ASTN2: variants seen among roughly 807,000 people sequenced by gnomAD.
ASTN2 encodes the protein astrotactin-2.
In ASTN2, 54 loss-of-function variants were observed where a neutral mutation model predicts 139.8. The observed-to-expected ratio is 0.39, with a 90% CI of 0.31 to 0.48. The LOEUF is 0.48. ASTN2 is among the 20% of genes least tolerant of loss of function. ASTN2 has a pLI of 0.95. For missense variants in ASTN2, 1,565 were observed against 1,725.1 expected, an observed-to-expected ratio of 0.91 and a Z score of 1.64; for synonymous variants, 756 against 719.5, an observed-to-expected ratio of 1.05 and a Z score of -0.81.
chr9:116,866,325 C>G (rs1001932051), intron 10 of ASTN2, among the ~76,000 whole-genome samples: 4 of 152,174 alleles, frequency 2.6e-5, no homozygotes, highest in African/African-American at 9.6e-5. Flanking sequence ...TCTGTCTCCC[C>G]AACTCTGGGT....
intron 13 of ASTN2, among the ~76,000 whole-genome samples, chr9:116,796,803 T>A (rs1830703296): frequency 6.6e-6 from 1 of 152,104 alleles, no homozygotes; most frequent in African/African-American, 2.4e-5. Context: ...TTCACTAAGA[T>A]ATGTTAAATG....
chr9:117,105,745 C>G (rs1220178662), intron 4 of ASTN2, among the ~76,000 whole-genome samples: 1 of 152,140 alleles, frequency 6.6e-6, no homozygotes, highest in Non-Finnish European at 1.5e-5. Context: ...GGTGTGGTGT[C>G]CAGAGACCCT....
chr9:117,123,203 G>C (rs770433355), intron 4 of ASTN2, among the ~76,000 whole-genome samples: 1 of 151,980 alleles, frequency 6.6e-6, no homozygotes, highest in Non-Finnish European at 1.5e-5. Context: ...CTGATGCTGC[G>C]TGTTCAGGAG....
At chr9:116,738,489 A>G (rs1273006272) in intron 13 of ASTN2, among the ~76,000 whole-genome samples, 1 of 152,112 alleles carries the variant, frequency 6.6e-6, no homozygotes, top group African/African-American at 2.4e-5. Flanking sequence ...AAAAAAAAAA[A>G]AAGACTATGT....
chr9:117,107,550 T>C (rs866457108), intron 4 of ASTN2, among the ~76,000 whole-genome samples: 1 of 152,234 alleles, frequency 6.6e-6, no homozygotes, highest in South Asian at 2.1e-4. Flanking sequence ...TGCCGTATCC[T>C]TTTTAAAATA....
At chr9:117,273,998 C>T (rs1587899933) in intron 2 of ASTN2, among the ~76,000 whole-genome samples, 1 of 152,152 alleles carries the variant, frequency 6.6e-6, no homozygotes, top group South Asian at 2.1e-4. Flanking sequence ...ACTCTGAGAC[C>T]CTAATTGTTA....
intron 10 of ASTN2, among the ~76,000 whole-genome samples, chr9:116,891,952 A>G (rs1833772865): frequency 6.6e-6 from 1 of 152,192 alleles, no homozygotes; most frequent in African/African-American, 2.4e-5. Flanking sequence ...TATAACTGCT[A>G]AGATGGAAAA....
chr9:116,686,875 A>G (rs1271170935), intron 16 of ASTN2: 1 of 1,536,552 alleles, frequency 6.5e-7, no homozygotes, highest in East Asian at 2.5e-5. Context: ...TGCCCTTCCT[A>G]GGGAGTCCCG....
At chr9:116,765,903 T>C (rs1829794033) in intron 13 of ASTN2, among the ~76,000 whole-genome samples, 1 of 152,158 alleles carries the variant, frequency 6.6e-6, no homozygotes, top group Non-Finnish European at 1.5e-5. Context: ...TTTAGAAATA[T>C]TGCTTGGATT....
intron 16 of ASTN2, among the ~76,000 whole-genome samples, chr9:116,652,141 T>C (rs930169527): frequency 2.0e-5 from 3 of 151,780 alleles, no homozygotes; most frequent in East Asian, 1.9e-4. Flanking sequence ...CTGGCCAACA[T>C]TGCAAAAACC....
chr9:117,255,294 C>A (rs141802307), intron 2 of ASTN2, among the ~76,000 whole-genome samples: 16 of 152,288 alleles, frequency 1.1e-4, no homozygotes, highest in Admixed American at 9.2e-4. Context: ...TGAACTAGGG[C>A]TGAGATACGG....
At chr9:116,559,589 A>C (rs1229455802) in intron 19 of ASTN2, among the ~76,000 whole-genome samples, 2 of 152,214 alleles carry the variant, frequency 1.3e-5, no homozygotes, top group Non-Finnish European at 1.5e-5. Flanking sequence ...AGAATGTTAC[A>C]AAATATATGG....
At position 117,373,970 on chromosome 9, in the gene ASTN2, C is replaced by T. The variant is rs139468649; in HGVS notation, c.442+40527G>A. Among the ~76,000 whole-genome samples, 178 of 152,104 alleles carry T rather than the reference C, an allele frequency of 1.2e-3. 1 individual carries two copies. Among genetic ancestry groups the T allele is most frequent in the African/African-American group, 4.1e-3 (169 of 41,486 alleles). Reference sequence around the variant, plus strand: ...CACTGAAGAACAGCAGCAGAACATACGCTTAAATTTTTTACAACATCAAAT... The same window carrying T: ...CACTGAAGAACAGCAGCAGAACATATGCTTAAATTTTTTACAACATCAAAT... On this transcript the variant is annotated intron_variant, in intron 1 of 22. Transcript: ENST00000313400.
chr9:117,017,248 A>G (rs1032214262), intron 6 of ASTN2, among the ~76,000 whole-genome samples: 1 of 151,748 alleles, frequency 6.6e-6, no homozygotes, highest in African/African-American at 2.4e-5. Flanking sequence ...TTTTAATTTA[A>G]TTCTTTCTTT....
At chr9:117,188,099 C>CA (rs200956247) in intron 3 of ASTN2, among the ~76,000 whole-genome samples, 1,495 of 143,848 alleles carry the variant, frequency 0.01, 21 homozygotes, top group African/African-American at 0.035. Context: ...CTAGTCATGA[C>CA]AAAAAAAAAT....
At chr9:117,177,515 T>C (rs1175923400) in intron 3 of ASTN2, among the ~76,000 whole-genome samples, 1 of 152,158 alleles carries the variant, frequency 6.6e-6, no homozygotes, top group Non-Finnish European at 1.5e-5. Flanking sequence ...TGACCAAAGC[T>C]ATAGATTCCC....
At chr9:117,202,323 C>A (rs1411922867) in intron 3 of ASTN2, among the ~76,000 whole-genome samples, 4 of 152,222 alleles carry the variant, frequency 2.6e-5, no homozygotes, top group African/African-American at 9.6e-5. Flanking sequence ...TTAATTGGGG[C>A]ATTTAGTCCA....
intron 1 of ASTN2, among the ~76,000 whole-genome samples, chr9:117,372,722 T>C: frequency 6.6e-6 from 1 of 152,158 alleles, no homozygotes; most frequent in East Asian, 1.9e-4. Flanking sequence ...TTAAAAATTT[T>C]TAAATATGTT....
At chr9:117,362,368 C>CA (rs1554722975) in intron 1 of ASTN2, among the ~76,000 whole-genome samples, 3 of 143,414 alleles carry the variant, frequency 2.1e-5, no homozygotes, top group Non-Finnish European at 4.7e-5. Flanking sequence ...TCGTTGCCCC[C>CA]GGAAAAAATC....
Sources: allele counts gnomAD v4.1 joint callset (sites outside exome capture counted in the v4.1 genomes callset), GRCh38; gene constraint gnomAD v4.1.1; transcripts MANE v1.5; gene names NCBI Gene and HGNC (gene_info 2026-07-23, HGNC 2026-07-21).